YAF2: variants seen among roughly 807,000 people sequenced by gnomAD.
YAF2 encodes YY1-associated factor 2.
Under a neutral mutation model 20.1 loss-of-function variants are expected in YAF2, and 7 were observed. That is an observed-to-expected ratio of 0.35 (90% CI 0.20 to 0.65). The LOEUF is 0.65. YAF2 is among the 30% of genes least tolerant of loss of function. YAF2 has a pLI of 0.69. For missense variants in YAF2, 151 were observed against 219.2 expected (o/e 0.69, Z 1.96); for synonymous variants, 74 against 76.0 (o/e 0.97, Z 0.14).
intron 2 of YAF2, chr12:42,205,916 ATTT>A (rs1261302411): frequency 2.5e-6 from 1 of 397,952 alleles, no homozygotes; most frequent in Non-Finnish European, 5.0e-6. Flanking sequence ...TGTAATTTCC[ATTT>A]TTTTAATTCT....
chr12:42,161,943 G>A (rs904270870), intron 2 of YAF2, among the ~76,000 whole-genome samples, 178 bp from the exon 3 acceptor site: 17 of 151,834 alleles, frequency 1.1e-4, no homozygotes, highest in South Asian at 2.1e-4. Context: ...AGTTTTTCCC[G>A]TTCAACAAAA....
At chr12:42,227,961 G>A (rs1262717887) in intron 2 of YAF2, among the ~76,000 whole-genome samples, 3 of 143,982 alleles carry the variant, frequency 2.1e-5, no homozygotes, top group South Asian at 4.4e-4. Flanking sequence ...CACCCTGTCC[G>A]GGAGGGAGGT....
intron 2 of YAF2, among the ~76,000 whole-genome samples, chr12:42,223,525 ATATT>A (rs1198699414): frequency 8.6e-5 from 13 of 151,976 alleles, no homozygotes; most frequent in Admixed American, 7.2e-4. Flanking sequence ...TGCTTTATTT[ATATT>A]TATTTATTTA....
chr12:42,202,947 T>C (rs1375993230), intron 2 of YAF2, among the ~76,000 whole-genome samples: 1 of 152,120 alleles, frequency 6.6e-6, no homozygotes, highest in East Asian at 1.9e-4. Context: ...CTAAATACCA[T>C]AATTTTTAAA....
chr12:42,174,514 T>C (rs186481570), intron 2 of YAF2, among the ~76,000 whole-genome samples: 1 of 152,336 alleles, frequency 6.6e-6, no homozygotes, highest in Non-Finnish European at 1.5e-5. Flanking sequence ...ACCTCAGGAC[T>C]GAGTCTTTGG....
chr12:42,230,505 C>G (rs2067954539), intron 2 of YAF2, among the ~76,000 whole-genome samples: 1 of 151,960 alleles, frequency 6.6e-6, no homozygotes. Flanking sequence ...CAGGGACCAA[C>G]ATAATCACAT....
At chr12:42,227,452 G>A (rs1222963950) in intron 2 of YAF2, among the ~76,000 whole-genome samples, 6 of 128,982 alleles carry the variant, frequency 4.7e-5, no homozygotes, top group African/African-American at 9.4e-5. Context: ...CTGCCCGGCC[G>A]CCCATCGTCT....
intron 2 of YAF2, among the ~76,000 whole-genome samples, chr12:42,211,769 C>T (rs971017427): frequency 6.7e-6 from 1 of 150,020 alleles, no homozygotes; most frequent in Non-Finnish European, 1.5e-5. Flanking sequence ...AAAAAGTCAG[C>T]CAGGCACGGT....
Position 42,181,053 on chromosome 12 carries a change from A to C in YAF2, c.153-19288T>G, listed in dbSNP as rs576600159. ...TGATACACCTAGCTCTGGGCAACTG[A>C]ATCTTTATATATTACATAGAAGTTA... is the stretch of plus-strand genomic sequence containing the variant. On this transcript the variant is annotated intron_variant, in intron 2 of 3. Coordinates refer to ENST00000534854, the MANE Select transcript of YAF2 (RefSeq NM_005748.6). Among the ~76,000 whole-genome samples, 216 of 152,320 alleles carry C rather than the reference A, an allele frequency of 1.4e-3. 2 individuals carry two copies. Among genetic ancestry groups the C allele is most frequent in the Middle Eastern group, 6.8e-3 (2 of 294 alleles).
At chr12:42,191,781 G>GT (rs2066618559) in intron 2 of YAF2, among the ~76,000 whole-genome samples, 1 of 152,064 alleles carries the variant, frequency 6.6e-6, no homozygotes, top group Admixed American at 6.6e-5. Context: ...CAGGAGTGGG[G>GT]GTGAATAAGA....
At chr12:42,217,350 A>T (rs1222822281) in intron 2 of YAF2, among the ~76,000 whole-genome samples, 1 of 152,168 alleles carries the variant, frequency 6.6e-6, no homozygotes, top group Non-Finnish European at 1.5e-5. Flanking sequence ...CTTTGCAACT[A>T]GCAAAGCAGT....
intron 2 of YAF2, among the ~76,000 whole-genome samples, chr12:42,163,372 A>C (rs1309189803): frequency 1.3e-5 from 2 of 152,222 alleles, no homozygotes; most frequent in African/African-American, 2.4e-5. Flanking sequence ...AATTTTACAA[A>C]GATTACTGGC....
intron 2 of YAF2, among the ~76,000 whole-genome samples, chr12:42,207,934 AT>A (rs1366435362): frequency 6.6e-6 from 1 of 152,054 alleles, no homozygotes; most frequent in Non-Finnish European, 1.5e-5. Flanking sequence ...ATAAATCTAT[AT>A]GAAAAGCTAA....
chr12:42,189,514 T>G (rs1382372868), intron 2 of YAF2, among the ~76,000 whole-genome samples: 2 of 152,160 alleles, frequency 1.3e-5, no homozygotes, highest in Admixed American at 1.3e-4. Context: ...GGAGAACCAT[T>G]AGGGGCCTGA....
intron 2 of YAF2, among the ~76,000 whole-genome samples, chr12:42,192,020 C>A (rs2066625125): frequency 6.8e-6 from 1 of 147,660 alleles, no homozygotes; most frequent in Non-Finnish European, 1.5e-5. Context: ...CCAGCCTGGG[C>A]AACAGAGCAA....
At chr12:42,193,928 A>C (rs1046339702) in intron 2 of YAF2, among the ~76,000 whole-genome samples, 2 of 152,232 alleles carry the variant, frequency 1.3e-5, no homozygotes, top group Non-Finnish European at 2.9e-5. Context: ...GCCTAGGCTA[A>C]TGTATGTGTC....
At chr12:42,193,318 C>CAA (rs35020261) in intron 2 of YAF2, among the ~76,000 whole-genome samples, 7 of 87,174 alleles carry the variant, frequency 8.0e-5, no homozygotes, top group Admixed American at 1.3e-4. Flanking sequence ...GACTCCCTCT[C>CAA]AAAAAAAAAA....
chr12:42,237,654 T>A lies in YAF2; in HGVS notation c.97A>T (p.Ser33Cys). 1 of 1,584,156 alleles carries A rather than the reference T, an allele frequency of 6.3e-7. No individual in the cohort carries two copies. Among genetic ancestry groups the A allele is most frequent in the East Asian group, 2.3e-5 (1 of 42,558 alleles). The change falls in exon 2 of 4, where the codon AGC (serine) becomes TGC (cysteine). Residue 33 changes from serine to cysteine, a missense_variant. By Grantham distance (112) the Ser-to-Cys change is moderately radical (BLOSUM62 -1). Coordinates refer to ENST00000534854, the MANE Select transcript of YAF2 (RefSeq NM_005748.6). ...ATCATGCACTTGAAGGCCTCGGCGCTGTTCCGGAAGGTGCAGACGCTACAG... is the reference window on the plus strand; with the variant it reads ...ATCATGCACTTGAAGGCCTCGGCGCAGTTCCGGAAGGTGCAGACGCTACAG... ...WDCSVCTFRN[S>C]AEAFKCMMCD...
At chr12:42,172,818 G>A (rs1322192305) in intron 2 of YAF2, among the ~76,000 whole-genome samples, 3 of 152,116 alleles carry the variant, frequency 2.0e-5, no homozygotes, top group Non-Finnish European at 2.9e-5. Context: ...CATAAAGAAG[G>A]AATGAAATAC....
Sources: gnomAD v4.1 joint callset for allele counts (sites outside exome capture counted in the v4.1 genomes callset) on GRCh38, gnomAD v4.1.1 for gene constraint, MANE v1.5 for transcripts, NCBI Gene and HGNC (gene_info 2026-07-23, HGNC 2026-07-21) for gene names.